ZNRF3: variants seen among roughly 807,000 people sequenced by gnomAD.
ZNRF3 encodes zinc and ring finger 3.
A neutral mutation model predicts 72.5 loss-of-function variants in ZNRF3; 23 were observed. The ratio of observed to expected loss-of-function variants is 0.32; its 90% CI spans 0.23 to 0.45. The LOEUF is 0.45. Among genes scored for constraint, ZNRF3 ranks in the 20% least tolerant of loss-of-function variants. The pLI is 1.00. For synonymous variants in ZNRF3, 610 were observed against 545.3 expected (o/e 1.12, Z -1.65); for missense variants, 1,169 against 1,272.1 (o/e 0.92, Z 1.23).
At chr22:28,900,392 G>A (rs1478092454) in intron 1 of ZNRF3, among the ~76,000 whole-genome samples, 1 of 152,222 alleles carries the variant, frequency 6.6e-6, no homozygotes, top group Non-Finnish European at 1.5e-5. Flanking sequence ...ACACTGGAAT[G>A]CTGTTACCTC....
Position 29,049,671 on chromosome 22 carries a change from G to A in ZNRF3, c.1490G>A (p.Arg497His), listed in dbSNP as rs1171400145. 5.6e-6 allele frequency: 9 copies of A among 1,608,614 alleles called. No individual in the cohort carries two copies. The highest frequency in any genetic ancestry group is 1.3e-5 in the African/African-American group (1 of 74,882). The change falls in exon 8 of 9, where the codon CGT (arginine) becomes CAT (histidine). Residue 497 changes from arginine (R) to histidine (H), a missense_variant. Arg to His is a conservative substitution (Grantham distance 29, BLOSUM62 0). Transcript: ENST00000544604. This position sits in a 1 kb window ranked among gnomAD's most constrained non-coding sequence, Gnocchi z 5.2. ...AGCCTCGCACCCCGGGGCCCGGCCC[G>A]TGCCTTTCCTCCGAGCGGCAGTGGC... Reference protein sequence around the residue: ...PPSLAPRGPARAFPPSGSGSL... With the variant: ...PPSLAPRGPAHAFPPSGSGSL...
intron 1 of ZNRF3, among the ~76,000 whole-genome samples, chr22:28,951,852 A>G (rs1040097117): frequency 6.6e-6 from 1 of 152,150 alleles, no homozygotes; most frequent in Non-Finnish European, 1.5e-5. Flanking sequence ...TGTTTTCTGG[A>G]AAGATGGATA....
At chr22:28,894,262 G>A (rs1398473929) in intron 1 of ZNRF3, among the ~76,000 whole-genome samples, 2 of 150,930 alleles carry the variant, frequency 1.3e-5, no homozygotes, top group African/African-American at 4.9e-5. Flanking sequence ...CCCACTGTAT[G>A]TTTCTCAAAA....
intron 2 of ZNRF3, among the ~76,000 whole-genome samples, chr22:29,032,400 CACA>C (rs879840878): frequency 5.3e-5 from 8 of 152,130 alleles, no homozygotes; most frequent in Non-Finnish European, 1.0e-4. Context: ...GATACAGATC[CACA>C]ACAAGGCCAA....
chr22:29,039,151 T>A (rs935014551), intron 2 of ZNRF3, among the ~76,000 whole-genome samples: 1 of 152,206 alleles, frequency 6.6e-6, no homozygotes. Context: ...AAACGTCTTT[T>A]GTGTCTCTCA....
chr22:29,004,313 G>GA (rs1236125239), intron 2 of ZNRF3, among the ~76,000 whole-genome samples: 5 of 152,130 alleles, frequency 3.3e-5, no homozygotes, highest in African/African-American at 4.8e-5. Context: ...CTTCCTTGCT[G>GA]AAAAAAAGCC....
intron 4 of ZNRF3, among the ~76,000 whole-genome samples, chr22:29,044,504 G>T (rs2037023182): frequency 6.6e-6 from 1 of 152,194 alleles, no homozygotes; most frequent in Non-Finnish European, 1.5e-5. Context: ...AGCCAACTTT[G>T]CAGTATTCCA....
chr22:28,943,734 C>T (rs962036493), intron 1 of ZNRF3, among the ~76,000 whole-genome samples: 1 of 152,080 alleles, frequency 6.6e-6, no homozygotes, highest in African/African-American at 2.4e-5. Flanking sequence ...TGTGTGTTGG[C>T]ACTAAACTTG....
chr22:28,890,637 G>T (rs1285515421), intron 1 of ZNRF3, among the ~76,000 whole-genome samples: 1 of 152,210 alleles, frequency 6.6e-6, no homozygotes. Flanking sequence ...ATAGGTTATG[G>T]AAGGAAAGAA....
chr22:29,022,677 G>A (rs147318468), intron 2 of ZNRF3, among the ~76,000 whole-genome samples: 69 of 152,326 alleles, frequency 4.5e-4, no homozygotes, highest in African/African-American at 1.6e-3. Flanking sequence ...CCTTTTAGAA[G>A]CAATCTCAGT....
intron 1 of ZNRF3, among the ~76,000 whole-genome samples, chr22:28,978,182 T>A (rs941092720): frequency 2.0e-5 from 3 of 152,200 alleles, no homozygotes; most frequent in African/African-American, 7.2e-5. Context: ...CATTTTGCCT[T>A]AGTAACTATT....
chr22:28,935,316 C>T (rs772519056), intron 1 of ZNRF3, among the ~76,000 whole-genome samples: 1 of 152,182 alleles, frequency 6.6e-6, no homozygotes, highest in Non-Finnish European at 1.5e-5. Context: ...ACTGTGAGTG[C>T]CCCAGTCACA....
intron 2 of ZNRF3, among the ~76,000 whole-genome samples, chr22:29,017,005 A>G (rs1372107281): frequency 6.6e-6 from 1 of 152,238 alleles, no homozygotes; most frequent in Non-Finnish European, 1.5e-5. Flanking sequence ...CCTTTAGGAC[A>G]GAACCATTGA....
rs1458688024 is a variant in ZNRF3, at chr22:28,899,339, T to C, written c.300+15273T>C. 2.0e-5 allele frequency among the ~76,000 whole-genome samples: 3 copies of C among 152,210 alleles called. No individual in the cohort carries two copies. In the East Asian group the frequency reaches 5.8e-4, roughly 29 times the overall value. ...AGTTTTCACATTTAATGAATATTTA[T>C]GTTGAGCCAAGTTCTATACGAATGT... On this transcript the variant is annotated intron_variant, in intron 1 of 8. Coordinates refer to ENST00000544604, the MANE Select transcript of ZNRF3 (RefSeq NM_001206998.2).
At chr22:28,920,920 A>G (rs1367345110) in intron 1 of ZNRF3, among the ~76,000 whole-genome samples, 2 of 152,194 alleles carry the variant, frequency 1.3e-5, no homozygotes, top group African/African-American at 4.8e-5. Flanking sequence ...AAGGCCTGGG[A>G]AAGTTTGAGT....
intron 1 of ZNRF3, among the ~76,000 whole-genome samples, chr22:28,924,548 A>G (rs1490703763): frequency 6.6e-6 from 1 of 152,100 alleles, no homozygotes; most frequent in Non-Finnish European, 1.5e-5. Flanking sequence ...AGTTCAAACC[A>G]GCTGGGGCAA....
rs755226415 is a variant in ZNRF3, at chr22:29,017,919, T to C, written c.427-24576T>C. On this transcript the variant is annotated intron_variant, in intron 2 of 8. Transcript: ENST00000544604. ...AGGCTTTTAGATGTGTCCTTAAGCA[T>C]TGAAGCGCTTTGAGAGGTAATCAAG... The C allele has an allele frequency of 1.7e-4, 89 of 509,308 alleles. 1 individual carries two copies. In the Middle Eastern group the frequency reaches 1.9e-3, roughly 11 times the overall value. 31.5% of individuals were successfully genotyped at this position (509,308 alleles called of 1,614,324 possible). A position where few individuals can be genotyped will look rare whatever the true frequency, so the allele number is the denominator to read the frequency against.
intron 1 of ZNRF3, among the ~76,000 whole-genome samples, chr22:28,942,046 C>A (rs893248167): frequency 6.6e-6 from 1 of 152,240 alleles, no homozygotes; most frequent in Non-Finnish European, 1.5e-5. Flanking sequence ...GAAGAAATTT[C>A]TGGTGCCATT....
chr22:28,896,934 T>G (rs1179586584), intron 1 of ZNRF3, among the ~76,000 whole-genome samples: 1 of 152,160 alleles, frequency 6.6e-6, no homozygotes, highest in Non-Finnish European at 1.5e-5. Context: ...TTGGTTTTTC[T>G]TTTTCTTTGT....
Sources: allele counts gnomAD v4.1 joint callset (sites outside exome capture counted in the v4.1 genomes callset), GRCh38; gene constraint gnomAD v4.1.1; non-coding constraint Gnocchi (gnomAD v3.1); transcripts MANE v1.5; gene names NCBI Gene and HGNC (gene_info 2026-07-23, HGNC 2026-07-21).